LNX2: variants seen among roughly 807,000 people sequenced by gnomAD.
LNX2 encodes ligand of numb-protein X 2, also known as ligand of Numb protein X 2.
Under a neutral mutation model 66.2 loss-of-function variants are expected in LNX2, and 35 were observed. The ratio of observed to expected loss-of-function variants is 0.53; its 90% CI spans 0.40 to 0.70. LNX2 has a LOEUF of 0.70. Ranked by LOEUF, LNX2 falls within the 30% of genes least tolerant of loss-of-function variation. The pLI, the probability that LNX2 is intolerant of heterozygous loss-of-function variation, is 0.00. For synonymous variants in LNX2, 337 were observed against 315.6 expected (o/e 1.07, Z -0.72); for missense variants, 791 against 850.8 (o/e 0.93, Z 0.87).
intron 1 of LNX2, among the ~76,000 whole-genome samples, chr13:27,595,890 G>A (rs1006446256): frequency 1.3e-5 from 2 of 152,122 alleles, no homozygotes; most frequent in African/African-American, 2.4e-5. Context: ...CATACTTAGA[G>A]CTGTTGCTGC....
At chr13:27,594,619 TC>T (rs1277746597) in intron 1 of LNX2, among the ~76,000 whole-genome samples, 1 of 152,200 alleles carries the variant, frequency 6.6e-6, no homozygotes, top group African/African-American at 2.4e-5. Context: ...ACTTTATTTT[TC>T]TCCCAGTTGT....
chr13:27,605,198 G>A (rs1447465340), intron 1 of LNX2, among the ~76,000 whole-genome samples: 4 of 152,158 alleles, frequency 2.6e-5, no homozygotes, highest in Non-Finnish European at 5.9e-5. Context: ...AGTATATAAA[G>A]AATGTAACTA....
intron 1 of LNX2, among the ~76,000 whole-genome samples, chr13:27,582,261 C>A (rs1955407125): frequency 6.6e-6 from 1 of 152,018 alleles, no homozygotes; most frequent in South Asian, 2.1e-4. Context: ...GTCTTGAACT[C>A]CTGGACTCAA....
chr13:27,561,589 T>C (rs1187054987), intron 5 of LNX2, among the ~76,000 whole-genome samples: 3 of 152,254 alleles, frequency 2.0e-5, no homozygotes, highest in East Asian at 3.8e-4. Flanking sequence ...ACTTGAATTT[T>C]CTTATAGTCT....
At chr13:27,583,243 T>TGCGCGCGCGC (rs1254198656) in intron 1 of LNX2, among the ~76,000 whole-genome samples, 5 of 21,678 alleles carry the variant, frequency 2.3e-4, no homozygotes, top group African/African-American at 5.3e-4. Context: ...TGTGTGTGTG[T>TGCGCGCGCGC]GTGTGTGTGT....
intron 1 of LNX2, among the ~76,000 whole-genome samples, chr13:27,616,187 T>TTGG (rs1955824268): frequency 3.3e-5 from 3 of 90,832 alleles, no homozygotes; most frequent in African/African-American, 7.6e-5. Flanking sequence ...GGTGGGGGGT[T>TTGG]GGGGGGGGTA....
At chr13:27,560,461 T>C (rs1955117558) in intron 5 of LNX2, among the ~76,000 whole-genome samples, 1 of 151,732 alleles carries the variant, frequency 6.6e-6, no homozygotes, top group African/African-American at 2.4e-5. Flanking sequence ...CACAGCTTTG[T>C]TTCTGCTGCT....
At position 27,559,858 on chromosome 13, in the gene LNX2, C is replaced by A; in HGVS notation, c.1352G>T (p.Arg451Ile). ...AATCCTCACCTTATGTGAGCTTGGT[C>A]TGCTATAATACGGTGGTGGTGTGTG... ...QHHTPPPYYS[R>I]PSSHKDLTQC... The change falls in exon 6 of 10, where the codon AGA becomes ATA. Residue 451 changes from arginine (R) to isoleucine (I), a missense_variant. Coordinates refer to ENST00000316334, the MANE Select transcript of LNX2 (RefSeq NM_153371.4). The A allele has an allele frequency of 6.4e-7, 1 of 1,572,068 alleles. No homozygotes were observed. The highest frequency in any genetic ancestry group is 8.6e-7 in the Non-Finnish European group (1 of 1,156,846).
At chr13:27,591,342 C>T (rs556261569) in intron 1 of LNX2, among the ~76,000 whole-genome samples, 1 of 152,224 alleles carries the variant, frequency 6.6e-6, no homozygotes, top group African/African-American at 2.4e-5. Context: ...AAAATATTTG[C>T]ACTGTAAAGC....
chr13:27,577,776 A>T (rs1201195592), intron 2 of LNX2, among the ~76,000 whole-genome samples: 1 of 152,206 alleles, frequency 6.6e-6, no homozygotes, highest in African/African-American at 2.4e-5. Context: ...ACAAACACAC[A>T]ATTTAAAAAC....
Position 27,548,277 on chromosome 13 carries a change from G to A in LNX2, c.*58C>T. ...ACCACAAACACAATGAAACCAAAGG[G>A]TTTTCTTTCAAAAATCTAAAAAAGG... On this transcript the variant is annotated 3_prime_UTR_variant, in exon 10 of 10. Coordinates refer to ENST00000316334, the MANE Select transcript of LNX2 (RefSeq NM_153371.4). The A allele has an allele frequency of 1.9e-6, 3 of 1,557,358 alleles. No individual in the cohort carries two copies. The South Asian group carries it at 3.5e-5, about 18-fold the overall frequency.
intron 2 of LNX2, among the ~76,000 whole-genome samples, chr13:27,579,670 C>G (rs553247524): frequency 1.3e-5 from 2 of 152,292 alleles, no homozygotes; most frequent in Admixed American, 1.3e-4. Context: ...TTTCAGCTCT[C>G]AAAATCATAA....
At chr13:27,602,542 T>C (rs949259949) in intron 1 of LNX2, among the ~76,000 whole-genome samples, 1 of 151,832 alleles carries the variant, frequency 6.6e-6, no homozygotes, top group Non-Finnish European at 1.5e-5. Flanking sequence ...CTGTGGTATA[T>C]ATCAGTAGTC....
intron 1 of LNX2, among the ~76,000 whole-genome samples, chr13:27,619,666 A>C (rs1955870252): frequency 6.6e-6 from 1 of 152,252 alleles, no homozygotes; most frequent in Non-Finnish European, 1.5e-5. Context: ...GTCTGGATTC[A>C]TAAACTTAAC....
chr13:27,594,617 T>C (rs1046144763), intron 1 of LNX2, among the ~76,000 whole-genome samples: 1 of 152,304 alleles, frequency 6.6e-6, no homozygotes, highest in Admixed American at 6.5e-5. Flanking sequence ...TAACTTTATT[T>C]TTCTCCCAGT....
intron 2 of LNX2, among the ~76,000 whole-genome samples, chr13:27,570,779 A>G (rs1254519816): frequency 6.7e-6 from 1 of 148,730 alleles, no homozygotes; most frequent in Non-Finnish European, 1.5e-5. Flanking sequence ...ATCATACACA[A>G]ATATCTACAC....
chr13:27,560,580 T>TATATATAC (rs1361261308), intron 5 of LNX2, among the ~76,000 whole-genome samples: 1 of 147,752 alleles, frequency 6.8e-6, no homozygotes, highest in African/African-American at 2.5e-5. Flanking sequence ...TATATATATA[T>TATATATAC]ATATAGCATA....
intron 9 of LNX2, among the ~76,000 whole-genome samples, 156 bp from the exon 10 acceptor site, chr13:27,548,626 G>A (rs1174139819): frequency 6.6e-6 from 1 of 152,166 alleles, no homozygotes; most frequent in Non-Finnish European, 1.5e-5. Flanking sequence ...CAGCCCTTAA[G>A]CCTATGCTGG....
intron 7 of LNX2, 122 bp from the exon 8 acceptor site, chr13:27,553,561 T>C (rs933895866): frequency 3.2e-6 from 2 of 631,518 alleles, no homozygotes; most frequent in Non-Finnish European, 2.8e-6. Context: ...TAAGGTATAA[T>C]AATAAATGGC....
Sources: allele counts gnomAD v4.1 joint callset (sites outside exome capture counted in the v4.1 genomes callset), GRCh38; gene constraint gnomAD v4.1.1; transcripts MANE v1.5; gene names NCBI Gene and HGNC (gene_info 2026-07-23, HGNC 2026-07-21).